Variants in FSTL4 observed in about 807,000 individuals in gnomAD.
FSTL4 encodes follistatin like 4.
In FSTL4, 28 loss-of-function variants were observed where a neutral mutation model predicts 78.2. The observed-to-expected ratio is 0.36, with a 90% CI of 0.27 to 0.49. The LOEUF is 0.49. Among genes scored for constraint, FSTL4 ranks in the 20% least tolerant of loss-of-function variants. FSTL4 has a pLI of 0.98. For synonymous variants in FSTL4, 422 were observed against 440.5 expected (o/e 0.96, Z 0.53); for missense variants, 922 against 1,084.9 (o/e 0.85, Z 2.11).
intron 6 of FSTL4, among the ~76,000 whole-genome samples, chr5:133,307,748 G>A (rs983505265): frequency 6.6e-6 from 1 of 151,762 alleles, no homozygotes; most frequent in Admixed American, 6.6e-5. Context: ...TCTGGGAGGA[G>A]GTGGTGAGAC....
intron 14 of FSTL4, among the ~76,000 whole-genome samples, chr5:133,205,984 T>TTAA (rs1470840143): frequency 1.3e-5 from 2 of 152,236 alleles, no homozygotes; most frequent in African/African-American, 4.8e-5. Flanking sequence ...GACTCTATTT[T>TTAA]TAATAGTATG....
At chr5:133,334,700 TC>T (rs1454480738) in intron 4 of FSTL4, among the ~76,000 whole-genome samples, 1 of 152,192 alleles carries the variant, frequency 6.6e-6, no homozygotes, top group African/African-American at 2.4e-5. Context: ...ACAGTATTTG[TC>T]CTCAGCCAAG....
At chr5:133,539,053 G>A (rs462330) in intron 3 of FSTL4, among the ~76,000 whole-genome samples, 63,538 of 151,960 alleles carry the variant, frequency 0.42, 13,726 homozygotes, top group African/African-American at 0.52. Flanking sequence ...CAATCTAGCC[G>A]GCAAGGTGAT....
the FSTL4 span, among the ~76,000 whole-genome samples, chr5:133,714,446 C>T: frequency 1.3e-5 from 2 of 152,122 alleles, no homozygotes; most frequent in Non-Finnish European, 2.9e-5. Context: ...TGAAGCCCGG[C>T]GATCTCACCA....
At chr5:133,620,268 G>A in the FSTL4 span, among the ~76,000 whole-genome samples, 2 of 152,134 alleles carry the variant, frequency 1.3e-5, no homozygotes, top group Non-Finnish European at 2.9e-5. Context: ...GGCAGGAGGG[G>A]AAAGATTTCA....
chr5:133,437,019 A>G (rs1580707559), intron 3 of FSTL4, among the ~76,000 whole-genome samples: 1 of 152,240 alleles, frequency 6.6e-6, no homozygotes, highest in African/African-American at 2.4e-5. Context: ...GAGTTGCTAC[A>G]GGAGAAAGAG....
intron 3 of FSTL4, among the ~76,000 whole-genome samples, chr5:133,425,964 A>G (rs1054282183): frequency 2.0e-5 from 3 of 152,220 alleles, no homozygotes; most frequent in Non-Finnish European, 4.4e-5. Flanking sequence ...AGCAGGAATG[A>G]CGTGGGGGGC....
intron 3 of FSTL4, among the ~76,000 whole-genome samples, chr5:133,482,196 G>T (rs887367766): frequency 6.6e-6 from 1 of 152,196 alleles, no homozygotes; most frequent in African/African-American, 2.4e-5. Context: ...ATGTGTGTTT[G>T]AAAGATAATC....
chr5:133,650,464 A>G, the FSTL4 span, among the ~76,000 whole-genome samples: 1 of 152,162 alleles, frequency 6.6e-6, no homozygotes, highest in Non-Finnish European at 1.5e-5. Context: ...ACACATTTTC[A>G]GTTAATTTTT....
At chr5:133,256,740 C>T (rs1177539099) in intron 6 of FSTL4, among the ~76,000 whole-genome samples, 2 of 152,236 alleles carry the variant, frequency 1.3e-5, no homozygotes, top group African/African-American at 4.8e-5. Flanking sequence ...CAGACTTGCT[C>T]CAAAGCCACA....
chr5:133,787,898 T>A, the FSTL4 span, among the ~76,000 whole-genome samples: 139 of 152,306 alleles, frequency 9.1e-4, no homozygotes, highest in Non-Finnish European at 1.8e-3. Flanking sequence ...TTAGACTATA[T>A]CCCTTAGACC....
chr5:133,568,179 G>T lies in FSTL4; in HGVS notation c.127-960C>A, dbSNP rs560221326. ...CCTGGTGAGAACTAATGGGGGGAAA[G>T]ACTAGAAATGCATATTGCAGTTTCA... is the stretch of plus-strand genomic sequence containing the variant. On this transcript the variant is annotated intron_variant, in intron 2 of 15. Coordinates refer to ENST00000265342, the MANE Select transcript of FSTL4 (RefSeq NM_015082.2). 7.4e-4 allele frequency among the ~76,000 whole-genome samples: 113 copies of T among 152,184 alleles called. 1 individual carries two copies. Among genetic ancestry groups the T allele is most frequent in the African/African-American group, 2.7e-3 (112 of 41,522 alleles).
the FSTL4 span, among the ~76,000 whole-genome samples, chr5:133,650,860 G>C: frequency 2.0e-5 from 3 of 152,158 alleles, no homozygotes; most frequent in African/African-American, 7.2e-5. Context: ...TCTTGACTAT[G>C]TTGAGTCTTT....
intron 6 of FSTL4, among the ~76,000 whole-genome samples, chr5:133,303,252 C>T (rs1242929639): frequency 6.6e-6 from 1 of 152,220 alleles, no homozygotes; most frequent in African/African-American, 2.4e-5. Context: ...AGAAGAGGTG[C>T]TCCTTAGCCT....
intron 6 of FSTL4, 86 bp downstream of exon 6, chr5:133,312,568 T>C (rs1209778339): frequency 2.4e-6 from 3 of 1,268,924 alleles, no homozygotes; most frequent in Non-Finnish European, 3.4e-6. Flanking sequence ...GGGAGACAAC[T>C]GAGGACAGAC....
the FSTL4 span, among the ~76,000 whole-genome samples, chr5:133,668,833 G>A: frequency 6.6e-6 from 1 of 152,198 alleles, no homozygotes; most frequent in African/African-American, 2.4e-5. Flanking sequence ...ATCAGGCATA[G>A]TGCATTAGAT....
chr5:133,654,952 T>C, the FSTL4 span, among the ~76,000 whole-genome samples: 42 of 152,258 alleles, frequency 2.8e-4, 1 homozygote, highest in South Asian at 7.9e-3. Flanking sequence ...TTCCCTATGC[T>C]ACAACACATC....
intron 2 of FSTL4, among the ~76,000 whole-genome samples, chr5:133,580,576 G>A (rs575508796): frequency 6.6e-6 from 1 of 152,328 alleles, no homozygotes; most frequent in Admixed American, 6.5e-5. Flanking sequence ...CAAGGAAGGG[G>A]GATAGACTGC....
chr5:133,459,435 T>C (rs76857417), intron 3 of FSTL4, among the ~76,000 whole-genome samples: 1 of 152,204 alleles, frequency 6.6e-6, no homozygotes, highest in Admixed American at 6.5e-5. Flanking sequence ...GAGGATTAGA[T>C]TTTTTTAATT....
Sources: gnomAD v4.1 joint callset for allele counts (sites outside exome capture counted in the v4.1 genomes callset) on GRCh38, gnomAD v4.1.1 for gene constraint, MANE v1.5 for transcripts, NCBI Gene and HGNC (gene_info 2026-07-23, HGNC 2026-07-21) for gene names.